The following PTGIR variants were observed in gnomAD, a reference collection of about 807,000 sequenced individuals.
PTGIR encodes the protein prostacyclin receptor.
Under a neutral mutation model 17.6 loss-of-function variants are expected in PTGIR, and 16 were observed. The ratio of observed to expected loss-of-function variants is 0.91; its 90% CI spans 0.61 to 1.38. The LOEUF (loss-of-function observed/expected upper bound fraction) is 1.38. Ranked by LOEUF, PTGIR falls within the 40% of genes most tolerant of loss-of-function variation. The pLI, the probability that PTGIR is intolerant of heterozygous loss-of-function variation, is 0.00. For synonymous variants in PTGIR, 274 were observed against 255.4 expected (o/e 1.07, Z -0.69); for missense variants, 532 against 548.6 (o/e 0.97, Z 0.30).
downstream of PTGIR, among the ~76,000 whole-genome samples, chr19:46,616,030 G>C (rs935903960): frequency 3.3e-5 from 5 of 151,750 alleles, no homozygotes. Flanking sequence ...TTGAACTCCT[G>C]GGCTCAAGCG....
chr19:46,614,014 C>G, the PTGIR span, among the ~76,000 whole-genome samples: 1 of 152,196 alleles, frequency 6.6e-6, no homozygotes, highest in Non-Finnish European at 1.5e-5. Flanking sequence ...TTTTATTAAT[C>G]AAAGACAAAT....
At chr19:46,622,718 T>G (rs1363140957) in intron 2 of PTGIR, 1 of 152,254 alleles carries the variant, frequency 6.6e-6, no homozygotes, top group East Asian at 1.9e-4. Flanking sequence ...TTTGTTTTTG[T>G]TTTGAGACAA....
rs758709910 is a variant in PTGIR at position 46,623,826 on chromosome 19, G to T, written c.400C>A (p.Arg134Ser). The T allele has an allele frequency of 3.1e-6, 5 of 1,607,144 alleles. No individual in the cohort carries two copies. The South Asian group carries it at 4.4e-5, about 14-fold the overall frequency. Reference protein sequence around the residue: ...PYLYAQLDGPRCARLALPAIY... With the variant: ...PYLYAQLDGPSCARLALPAIY... ...GCTGGCAGCGCCAGGCGGGCGCAGC[G>T]GGGCCCGTCCAGCTGCGCGTAGAGG... Residue 134 changes from arginine to serine, a missense_variant, in exon 2 of 3, where the codon CGC becomes AGC. Physicochemically the swap from Arg to Ser is moderately radical, Grantham distance 110 (BLOSUM62 -1). Coordinates refer to ENST00000291294, the MANE Select transcript of PTGIR (RefSeq NM_000960.4).
downstream of PTGIR, among the ~76,000 whole-genome samples, chr19:46,618,587 C>T (rs1477431014): frequency 6.6e-6 from 1 of 152,222 alleles, no homozygotes; most frequent in African/African-American, 2.4e-5. Flanking sequence ...ATGGGAATCA[C>T]CTCGCCCTGC....
At chr19:46,615,024 A>AC in the PTGIR span, among the ~76,000 whole-genome samples, 5 of 151,448 alleles carry the variant, frequency 3.3e-5, no homozygotes, top group South Asian at 4.2e-4. Flanking sequence ...TGTCTGCCCC[A>AC]CCCCCCCAAA....
At chr19:46,619,562 A>AAAGG (rs1972017764), downstream of PTGIR, among the ~76,000 whole-genome samples, 1 of 89,982 alleles carries the variant, frequency 1.1e-5, no homozygotes, top group South Asian at 4.7e-4. Context: ...AGAGAGAGAG[A>AAAGG]GAGAGAGAGA....
At chr19:46,616,403 G>A (rs1250597059), downstream of PTGIR, among the ~76,000 whole-genome samples, 1 of 136,000 alleles carries the variant, frequency 7.4e-6, no homozygotes, top group Non-Finnish European at 1.5e-5. Flanking sequence ...GCGTGATCTC[G>A]GCTCACTGCA....
chr19:46,619,629 G>GA (rs1555816612), downstream of PTGIR, among the ~76,000 whole-genome samples: 192 of 136,408 alleles, frequency 1.4e-3, no homozygotes, highest in African/African-American at 5.2e-3. Flanking sequence ...AAGAAAGAAA[G>GA]AAAGAAAGAA....
the PTGIR span, among the ~76,000 whole-genome samples, chr19:46,611,001 A>G: frequency 2.6e-5 from 4 of 152,302 alleles, no homozygotes; most frequent in Admixed American, 2.6e-4. Context: ...GTCCTGTCCT[A>G]GAGATAGTCG....
downstream of PTGIR, among the ~76,000 whole-genome samples, chr19:46,617,985 T>C (rs1197619402): frequency 6.7e-6 from 1 of 150,000 alleles, no homozygotes; most frequent in South Asian, 2.1e-4. Context: ...ACTACATGTG[T>C]GCGCTACCAC....
intron 2 of PTGIR, chr19:46,622,309 C>G (rs1285896506): frequency 9.1e-6 from 9 of 985,252 alleles, no homozygotes; most frequent in Admixed American, 6.2e-5. Flanking sequence ...GGTGGGAGAT[C>G]AGGCTCTACA....
downstream of PTGIR, among the ~76,000 whole-genome samples, chr19:46,619,637 G>GAAAGA (rs2122315387): frequency 7.2e-6 from 1 of 138,704 alleles, no homozygotes; most frequent in Non-Finnish European, 1.6e-5. Context: ...AAGAAAGAAA[G>GAAAGA]AAAGAAAGAA....
chr19:46,623,303 C>T (rs1478676270), intron 2 of PTGIR, 155 bp downstream of exon 2: 17 of 937,660 alleles, frequency 1.8e-5, no homozygotes, highest in Non-Finnish European at 2.6e-5. Context: ...GGTCCTGCCT[C>T]GGCCTTTCTA....
Position 46,623,916 on chromosome 19 carries a change from G to C in PTGIR, c.310C>G (p.Leu104Val). The change falls in exon 2 of 3, where the codon CTG becomes GTG. Residue 104 changes from leucine (L) to valine (V), a missense_variant. Leu to Val is a conservative substitution (Grantham distance 32). Coordinates refer to ENST00000291294, the MANE Select transcript of PTGIR (RefSeq NM_000960.4). ...AFAFAMTFFG[L>V]ASMLILFAMA... ...GCAAAGAGGATGAGCATGGACGCCA[G>C]GCCGAAGAAGGTCATGGCGAAGGCG... 6.2e-7 allele frequency: 1 copy of C among 1,605,506 alleles called. No individual in the cohort carries two copies. Among genetic ancestry groups the C allele is most frequent in the Non-Finnish European group, 8.5e-7 (1 of 1,175,790 alleles).
Position 46,624,147 on chromosome 19 carries a change from C to A in PTGIR, c.79G>T (p.Gly27Cys), listed in dbSNP as rs75149836. The A allele has an allele frequency of 2.0e-5, 31 of 1,526,296 alleles. No individual in the cohort carries two copies. In the East Asian group the frequency reaches 3.2e-4, roughly 16 times the overall value. The allele number at this position is 1,526,296 out of a possible 1,614,324, so 94.5% of individuals were successfully genotyped here. ...PATSTLMFVA[G>C]VVGNGLALGI... ...AGGGCCAGCCCGTTGCCCACCACACCGGCCACGAACATCAGGGTGCTGGTG... is the reference window on the plus strand; with the variant it reads ...AGGGCCAGCCCGTTGCCCACCACACAGGCCACGAACATCAGGGTGCTGGTG... Residue 27 changes from glycine (G) to cysteine (C), a missense_variant, in exon 2 of 3, where the codon GGT becomes TGT. By Grantham distance (159) the Gly-to-Cys change is radical (BLOSUM62 -3). Transcript: ENST00000291294.
downstream of PTGIR, among the ~76,000 whole-genome samples, chr19:46,619,590 A>AG (rs1386933436): frequency 2.1e-5 from 3 of 142,550 alleles, no homozygotes; most frequent in Admixed American, 7.2e-5. Context: ...AGAGAAAGAA[A>AG]GAAAAGAAAG....
In PTGIR at chr19:46,624,599, C is replaced by T. The variant is rs143928995; in HGVS notation, c.-12-362G>A. ...CCTCTGGAGTAGATGAGATTACAGGCGTCCACTACCACGCCCAGCTAATTT... is the reference window on the plus strand; with the variant it reads ...CCTCTGGAGTAGATGAGATTACAGGTGTCCACTACCACGCCCAGCTAATTT... On this transcript the variant is annotated intron_variant, in intron 1 of 2. Coordinates refer to ENST00000291294, the MANE Select transcript of PTGIR (RefSeq NM_000960.4). 8.2e-3 allele frequency: 1,465 copies of T among 179,140 alleles called. 28 individuals carry two copies. The highest frequency in any genetic ancestry group is 0.033 in the African/African-American group (1,381 of 42,336). 11.1% of individuals were successfully genotyped at this position (179,140 alleles called of 1,614,324 possible).
At chr19:46,619,390 G>A (rs535667927), downstream of PTGIR, among the ~76,000 whole-genome samples, 2 of 151,816 alleles carry the variant, frequency 1.3e-5, no homozygotes, top group East Asian at 3.9e-4. Flanking sequence ...AGCTACTCGG[G>A]AGGCTGAGGC....
chr19:46,617,980 A>G (rs1191249926), downstream of PTGIR, among the ~76,000 whole-genome samples: 1 of 148,976 alleles, frequency 6.7e-6, no homozygotes, highest in Non-Finnish European at 1.5e-5. Context: ...CTGGGACTAC[A>G]TGTGTGCGCT....
Sources: allele counts gnomAD v4.1 joint callset (sites outside exome capture counted in the v4.1 genomes callset), GRCh38; gene constraint gnomAD v4.1.1; transcripts MANE v1.5; gene names NCBI Gene and HGNC (gene_info 2026-07-23, HGNC 2026-07-21).